Variants in MICALL2 observed in about 807,000 individuals in gnomAD.
MICALL2 encodes MICAL like 2, also known as MICAL-like protein 2.
Under a neutral mutation model 91.1 loss-of-function variants are expected in MICALL2, and 111 were observed. The observed-to-expected ratio is 1.22, with a 90% CI of 1.04 to 1.43. The LOEUF is 1.43. Among genes scored for constraint, MICALL2 ranks in the 40% most tolerant of loss-of-function variants. The probability of loss-of-function intolerance (pLI) is 0.00; values close to 1 mark genes in which losing one functional copy is unlikely to be tolerated. For missense variants in MICALL2, 1,556 were observed against 1,236.0 expected, an observed-to-expected ratio of 1.26 and a Z score of -3.88; for synonymous variants, 694 against 525.3, an observed-to-expected ratio of 1.32 and a Z score of -4.39.
intron 9 of MICALL2, chr7:1,439,333 C>T (rs1235368079): frequency 3.2e-6 from 1 of 312,478 alleles, no homozygotes; most frequent in African/African-American, 2.1e-5. Context: ...CACGGGTGCA[C>T]ACGTGGACAC....
intron 1 of MICALL2, among the ~76,000 whole-genome samples, chr7:1,456,256 A>T (rs946229814): frequency 6.8e-6 from 1 of 147,402 alleles, no homozygotes; most frequent in Admixed American, 6.7e-5. Context: ...ACCCATCTCA[A>T]TTTAAAAAAG....
Position 1,438,991 on chromosome 7 carries a change from C to A in MICALL2, c.1971G>T (p.Arg657Ser). The A allele has an allele frequency of 6.3e-7, 1 of 1,592,748 alleles. No homozygotes were observed. The highest frequency in any genetic ancestry group is 8.5e-7 in the Non-Finnish European group (1 of 1,175,384). Residue 657 changes from arginine to serine, a missense_variant, in exon 10 of 17, where the codon AGG becomes AGT. By Grantham distance (110) the Arg-to-Ser change is moderately radical. Coordinates refer to ENST00000297508, the MANE Select transcript of MICALL2 (RefSeq NM_182924.4). ...TCCTGCGGCGGGGTGGGGAGGGGGA[C>A]CTGGCTGCCCCCAGGTGGGGAGACA... is the stretch of plus-strand genomic sequence containing the variant. The part of the protein sequence containing the change: ...PASPGPSLPA[R>S]SPSPPRRRRL...
At chr7:1,456,037 C>A (rs946115006) in intron 1 of MICALL2, among the ~76,000 whole-genome samples, 1 of 151,910 alleles carries the variant, frequency 6.6e-6, no homozygotes, top group Admixed American at 6.6e-5. Flanking sequence ...GAGACCTCCA[C>A]CCCAGCCACC....
chr7:1,440,048 G>C lies in MICALL2; in HGVS notation c.1843C>G (p.Pro615Ala). Residue 615 changes from proline (P) to alanine (A), a missense_variant, in exon 9 of 17, where the codon CCG (proline) becomes GCG (alanine). Pro to Ala is a conservative substitution (Grantham distance 27, BLOSUM62 -1). Transcript: ENST00000297508. Reference protein sequence around the residue: ...KPKEPRALAEPRAGEAPRKVS... With the variant: ...KPKEPRALAEARAGEAPRKVS... ...TTCCTGGGGGCCTCCCCCGCCCTCG[G>C]CTCTGCCAGGGCCCGTGGTTCCTTG... 1 of 1,583,608 alleles carries C rather than the reference G, an allele frequency of 6.3e-7. No individual in the cohort carries two copies. Among genetic ancestry groups the C allele is most frequent in the African/African-American group, 1.4e-5 (1 of 72,596 alleles).
rs532233284 is a variant in MICALL2 at position 1,452,074 on chromosome 7, T to A, written c.144-1786A>T. Reference sequence around the variant, plus strand: ...GCAGCCCTGCCGTCCATCAATCTGCTGGGATCCTTGGGAACCCTCCACCGT... The same window carrying A: ...GCAGCCCTGCCGTCCATCAATCTGCAGGGATCCTTGGGAACCCTCCACCGT... On this transcript the variant is annotated intron_variant, in intron 1 of 16. Coordinates refer to ENST00000297508, the MANE Select transcript of MICALL2 (RefSeq NM_182924.4). This position sits in a 1 kb window ranked among gnomAD's most constrained non-coding sequence, Gnocchi z 6.2. Among the ~76,000 whole-genome samples the A allele has an allele frequency of 3.7e-4, 56 of 152,258 alleles. 1 individual carries two copies. In the South Asian group the frequency reaches 0.01, roughly 28 times the overall value.
intron 15 of MICALL2, among the ~76,000 whole-genome samples, chr7:1,436,519 C>T (rs1220751648): frequency 6.8e-6 from 1 of 147,316 alleles, no homozygotes; most frequent in African/African-American, 2.6e-5. Context: ...CACCACTGCA[C>T]TCCAGCCTGG....
intron 7 of MICALL2, chr7:1,441,012 G>A: frequency 2.9e-6 from 1 of 345,208 alleles, no homozygotes; most frequent in South Asian, 3.0e-5. Context: ...GAACACCTGA[G>A]CCACGGCTGC....
At chr7:1,442,112 A>C in intron 7 of MICALL2, 80 bp downstream of exon 7, 16 of 1,491,392 alleles carry the variant, frequency 1.1e-5, no homozygotes, top group Non-Finnish European at 1.5e-5. Context: ...ATGAAACCGC[A>C]CACACTGCAG....
At chr7:1,436,672 C>G in intron 15 of MICALL2, 70 bp downstream of exon 15, 1 of 1,217,342 alleles carries the variant, frequency 8.2e-7, no homozygotes, top group Non-Finnish European at 1.1e-6. Context: ...GCTGGCTGAC[C>G]CTGAGGGCCG....
intron 6 of MICALL2, 68 bp from the exon 7 acceptor site, chr7:1,442,552 G>GC: frequency 7.0e-7 from 1 of 1,429,308 alleles, no homozygotes; most frequent in Non-Finnish European, 9.4e-7. Flanking sequence ...ACCCGAGGCC[G>GC]CCCCTCTGCC....
At chr7:1,443,650 G>C (rs992828690) in intron 6 of MICALL2, among the ~76,000 whole-genome samples, 15 of 152,204 alleles carry the variant, frequency 9.9e-5, no homozygotes, top group African/African-American at 2.7e-4. Context: ...CAGACAGAGA[G>C]AAGGCCACAT....
At chr7:1,443,281 C>G (rs1052675123) in intron 6 of MICALL2, among the ~76,000 whole-genome samples, 3 of 151,740 alleles carry the variant, frequency 2.0e-5, no homozygotes, top group African/African-American at 4.8e-5. Context: ...CCCCCAGTGC[C>G]AGGAGGAGCA....
intron 4 of MICALL2, among the ~76,000 whole-genome samples, 183 bp downstream of exon 4, chr7:1,447,392 G>C (rs970546293): frequency 3.3e-5 from 5 of 152,120 alleles, no homozygotes; most frequent in Non-Finnish European, 7.4e-5. Context: ...ACAACCCCTG[G>C]CTTGATGGAG....
intron 1 of MICALL2, among the ~76,000 whole-genome samples, chr7:1,453,849 G>A (rs1473022250): frequency 6.6e-6 from 1 of 152,228 alleles, no homozygotes; most frequent in African/African-American, 2.4e-5. Flanking sequence ...TGCGTGTGAT[G>A]CATTTGTTCT....
intron 6 of MICALL2, among the ~76,000 whole-genome samples, chr7:1,442,688 G>GCACCAGGCCA (rs1780364171): frequency 7.2e-6 from 1 of 139,374 alleles, no homozygotes; most frequent in Admixed American, 7.0e-5. Context: ...GCACCAGGCT[G>GCACCAGGCCA]CCCCTCTGCC....
chr7:1,440,712 T>G (rs1030549175), intron 7 of MICALL2, 28 bp from the exon 8 acceptor site: 3 of 1,590,354 alleles, frequency 1.9e-6, no homozygotes, highest in Non-Finnish European at 2.6e-6. Flanking sequence ...GGTCTGGGTG[T>G]GAGGAAGGAG....
chr7:1,438,647 A>C (rs1237275768), intron 10 of MICALL2, 193 bp downstream of exon 10: 4 of 1,422,340 alleles, frequency 2.8e-6, no homozygotes, highest in Non-Finnish European at 3.7e-6. Flanking sequence ...GTCTGTAACA[A>C]GGTACTCTGA....
At chr7:1,444,530 G>C (rs1780468065) in intron 6 of MICALL2, 122 bp downstream of exon 6, 4 of 952,626 alleles carry the variant, frequency 4.2e-6, no homozygotes, top group Non-Finnish European at 6.1e-6. Flanking sequence ...GCTGGGGGAA[G>C]TGCAGTCCCC....
intron 4 of MICALL2, among the ~76,000 whole-genome samples, chr7:1,447,139 G>C (rs969122038): frequency 6.6e-6 from 1 of 152,126 alleles, no homozygotes; most frequent in Admixed American, 6.5e-5. Flanking sequence ...CCACCATCCC[G>C]GGAGCCTGGA....
Sources: gnomAD v4.1 joint callset for allele counts (sites outside exome capture counted in the v4.1 genomes callset) on GRCh38, gnomAD v4.1.1 for gene constraint, Gnocchi (gnomAD v3.1) non-coding constraint, MANE v1.5 for transcripts, NCBI Gene and HGNC (gene_info 2026-07-23, HGNC 2026-07-21) for gene names.